The following HOOK1 variants were observed in gnomAD, a reference collection of about 807,000 sequenced individuals.
HOOK1 encodes protein Hook homolog 1.
A neutral mutation model predicts 112.8 loss-of-function variants in HOOK1; 60 were observed. The observed-to-expected ratio is 0.53, with a 90% confidence interval of 0.43 to 0.66. The LOEUF (loss-of-function observed/expected upper bound fraction) is 0.66. Among genes scored for constraint, HOOK1 ranks in the 30% least tolerant of loss-of-function variants. HOOK1 has a pLI of 0.00. For missense variants in HOOK1, 770 were observed against 856.0 expected, an observed-to-expected ratio of 0.90 and a Z score of 1.25; for synonymous variants, 294 against 283.8, an observed-to-expected ratio of 1.04 and a Z score of -0.36.
Position 59,872,869 on chromosome 1 carries a change from G to A in HOOK1, c.2091G>A (p.Ala697=), listed in dbSNP as rs149212619. Residue 697 remains alanine (A), a synonymous_variant, in exon 22 of 22, where the codon GCG becomes GCA. Coordinates refer to ENST00000371208, the MANE Select transcript of HOOK1 (RefSeq NM_015888.6). ...GTGGTGCCTGCAGTGACACTGGTGC[G>A]TGCACTCCTGCGCGGTCTTTCTTAG... ...SGGGACSDTG[A]CTPARSFLAQ... 57 of 1,517,814 alleles carry A rather than the reference G, an allele frequency of 3.8e-5. No individual in the cohort carries two copies. Among genetic ancestry groups the A allele is most frequent in the African/African-American group, 2.2e-4 (16 of 72,258 alleles). The allele number at this position is 1,517,814 out of a possible 1,614,324, so 94.0% of individuals were successfully genotyped here. A position where few individuals can be genotyped will look rare whatever the true frequency, so the allele number is the denominator to read the frequency against.
chr1:59,862,974 T>G, intron 16 of HOOK1, 97 bp downstream of exon 16: 2 of 700,090 alleles, frequency 2.9e-6, no homozygotes, highest in Non-Finnish European at 5.0e-6. Context: ...AGTACAGCCC[T>G]TATCATTGAG....
chr1:59,839,488 GCTGT>G (rs1043192641), intron 7 of HOOK1, among the ~76,000 whole-genome samples: 1 of 151,058 alleles, frequency 6.6e-6, no homozygotes, highest in Non-Finnish European at 1.5e-5. Context: ...CCATGATTTG[GCTGT>G]CTGTTATTGG....
chr1:59,855,962 ATTATT>A (rs1559058004), intron 12 of HOOK1, among the ~76,000 whole-genome samples: 11 of 82,578 alleles, frequency 1.3e-4, no homozygotes, highest in African/African-American at 5.0e-4. Context: ...ATATATATAA[ATTATT>A]ATATATATAT....
At chr1:59,824,843 A>T (rs149444426) in intron 2 of HOOK1, among the ~76,000 whole-genome samples, 112 of 152,332 alleles carry the variant, frequency 7.4e-4, no homozygotes, top group African/African-American at 2.6e-3. Flanking sequence ...TTAAAAACAC[A>T]TGGGAAAAAA....
In HOOK1 at chr1:59,815,127, A is replaced by T; in HGVS notation, c.10A>T (p.Thr4Ser). 2 of 1,541,406 alleles carry T rather than the reference A, an allele frequency of 1.3e-6. No individual in the cohort carries two copies. The highest frequency in any genetic ancestry group is 1.7e-6 in the Non-Finnish European group (2 of 1,146,382). The change falls in exon 1 of 22, where the codon ACG becomes TCG. Residue 4 changes from threonine to serine, a missense_variant. By Grantham distance (58) the Thr-to-Ser change is moderately conservative. Transcript: ENST00000371208. ...GACGGCGGCGCCGGCCATGGAGGAG[A>T]CGCAGCCGCCGCCGCAGCCTAAGCT... MEETQPPPQPKLPL... is the reference protein window; with the variant it reads MEESQPPPQPKLPL...
chr1:59,842,804 C>CA, intron 8 of HOOK1, among the ~76,000 whole-genome samples: 1 of 152,110 alleles, frequency 6.6e-6, no homozygotes, highest in East Asian at 1.9e-4. Flanking sequence ...GAAAATCATG[C>CA]ATGTTTTAAA....
At chr1:59,835,015 C>A (rs921396019) in intron 5 of HOOK1, among the ~76,000 whole-genome samples, 11 of 151,992 alleles carry the variant, frequency 7.2e-5, no homozygotes, top group African/African-American at 2.7e-4. Context: ...CACTATTGAG[C>A]AATTTTGTCC....
At chr1:59,838,127 C>A (rs912294423) in intron 7 of HOOK1, among the ~76,000 whole-genome samples, 1 of 152,254 alleles carries the variant, frequency 6.6e-6, no homozygotes, top group Middle Eastern at 3.4e-3. Context: ...CAAGTCTTTG[C>A]TATTGTGAAT....
chr1:59,868,166 C>G (rs1643999216), intron 19 of HOOK1, 84 bp from the exon 20 acceptor site: 1 of 734,418 alleles, frequency 1.4e-6, no homozygotes, highest in Non-Finnish European at 2.3e-6. Flanking sequence ...TTCCACCTTA[C>G]TTACACAGTT....
intron 19 of HOOK1, among the ~76,000 whole-genome samples, chr1:59,866,647 T>C (rs1035045583): frequency 2.0e-5 from 3 of 152,298 alleles, no homozygotes; most frequent in East Asian, 1.9e-4. Flanking sequence ...ATAGGAGATA[T>C]GTAATGGGCG....
intron 2 of HOOK1, among the ~76,000 whole-genome samples, chr1:59,824,556 C>T (rs2098388468): frequency 6.6e-6 from 1 of 152,182 alleles, no homozygotes; most frequent in African/African-American, 2.4e-5. Flanking sequence ...TTGTGGCTGA[C>T]ATCGTGTCAC....
chr1:59,843,714 T>C, intron 9 of HOOK1, 116 bp downstream of exon 9: 1 of 772,708 alleles, frequency 1.3e-6, no homozygotes, highest in Non-Finnish European at 2.0e-6. Flanking sequence ...GGATACTGAT[T>C]AAGCTCCTGA....
At chr1:59,869,698 C>T (rs1381494203) in intron 20 of HOOK1, among the ~76,000 whole-genome samples, 1 of 152,218 alleles carries the variant, frequency 6.6e-6, no homozygotes, top group Non-Finnish European at 1.5e-5. Flanking sequence ...ACGACACCAA[C>T]CCGATACGCC....
chr1:59,852,795 A>G (rs2098407933), intron 12 of HOOK1, among the ~76,000 whole-genome samples: 1 of 151,574 alleles, frequency 6.6e-6, no homozygotes. Context: ...AATTTACCTC[A>G]GGATTTATTT....
In HOOK1 at chr1:59,865,179, G is replaced by A. The variant is rs1258758555; in HGVS notation, c.1678G>A (p.Val560Ile). ...ACCACTTAGGGAAAAACTCACAGAGGTCCATGAAGAATTACAGAAGAAACA... is the reference window on the plus strand; with the variant it reads ...ACCACTTAGGGAAAAACTCACAGAGATCCATGAAGAATTACAGAAGAAACA... ...LEAHMEKLTE[V>I]HEELQKKQEL... The change falls in exon 18 of 22, where the codon GTC becomes ATC. Residue 560 changes from valine (V) to isoleucine (I), a missense_variant. This residue lies in a region of HOOK1 where 655 missense variants were observed against 725.9 expected (regional missense o/e 0.90). Coordinates refer to ENST00000371208, the MANE Select transcript of HOOK1 (RefSeq NM_015888.6). 2 of 1,604,452 alleles carry A rather than the reference G, an allele frequency of 1.2e-6. No homozygotes were observed. Among genetic ancestry groups the A allele is most frequent in the East Asian group, 4.5e-5 (2 of 44,814 alleles).
At chr1:59,861,438 G>A (rs1037561700) in intron 15 of HOOK1, among the ~76,000 whole-genome samples, 1 of 152,116 alleles carries the variant, frequency 6.6e-6, no homozygotes, top group Admixed American at 6.6e-5. Context: ...AAGTTGTTAG[G>A]AAGACTGCAG....
intron 2 of HOOK1, among the ~76,000 whole-genome samples, chr1:59,827,219 CT>C (rs2098390657): frequency 6.6e-6 from 1 of 152,158 alleles, no homozygotes; most frequent in African/African-American, 2.4e-5. Context: ...GGAGTTCAGC[CT>C]TTTTCTTAAG....
chr1:59,865,070 C>A, intron 17 of HOOK1, 93 bp from the exon 18 acceptor site: 1 of 760,954 alleles, frequency 1.3e-6, no homozygotes, highest in Non-Finnish European at 2.3e-6. Flanking sequence ...TCCCATTTCA[C>A]AGATGAGGAA....
chr1:59,850,359 G>A (rs1368261128), intron 12 of HOOK1, among the ~76,000 whole-genome samples: 1 of 150,988 alleles, frequency 6.6e-6, no homozygotes, highest in Non-Finnish European at 1.5e-5. Context: ...GCAGCACCAA[G>A]TATTACATTT....
Sources: gnomAD v4.1 joint callset for allele counts (sites outside exome capture counted in the v4.1 genomes callset) on GRCh38, gnomAD v4.1.1 for gene constraint, gnomAD v4.1.1 regional missense constraint, MANE v1.5 for transcripts, NCBI Gene and HGNC (gene_info 2026-07-23, HGNC 2026-07-21) for gene names.